DMD: variants seen among roughly 807,000 people sequenced by gnomAD.
The protein encoded by DMD is dystrophin, also known as mutant dystrophin.
In DMD, 63 loss-of-function variants were observed where a neutral mutation model predicts 330.1. That is an observed-to-expected ratio of 0.19 (90% CI 0.16 to 0.24). DMD has a LOEUF of 0.24. Among genes scored for constraint, DMD ranks in the 10% least tolerant of loss-of-function variants. The pLI is 1.00. For missense variants in DMD, 3,344 were observed against 2,684.1 expected, an observed-to-expected ratio of 1.25 and a Z score of -5.43; for synonymous variants, 1,223 against 959.8, an observed-to-expected ratio of 1.27 and a Z score of -5.07.
intron 47 of DMD, among the ~76,000 whole-genome samples, chrX:31,878,026 T>C (rs1052973468): frequency 8.9e-6 from 1 of 111,812 alleles, no homozygotes; most frequent in Non-Finnish European, 1.9e-5. Flanking sequence ...GCTTCATATA[T>C]AAGCACAGAA....
intron 11 of DMD, among the ~76,000 whole-genome samples, chrX:32,641,743 T>A (rs1363030518): frequency 9.0e-6 from 1 of 111,138 alleles, no homozygotes; most frequent in Non-Finnish European, 1.9e-5. Context: ...CTCTAATCGC[T>A]AAACCAAGGC....
At chrX:31,875,852 G>A (rs141822350) in intron 47 of DMD, among the ~76,000 whole-genome samples, 151 of 112,109 alleles carry the variant, frequency 1.3e-3, no homozygotes, top group East Asian at 0.013. Flanking sequence ...TATTCAATGC[G>A]CATCCTAAAA....
chrX:31,824,009 A>G (rs774198336), intron 49 of DMD, among the ~76,000 whole-genome samples: 38 of 112,419 alleles, frequency 3.4e-4, no homozygotes, highest in Non-Finnish European at 6.2e-4. Context: ...TCAGAGAGCT[A>G]TAACTTCAGA....
At chrX:32,716,735 G>T in intron 7 of DMD, among the ~76,000 whole-genome samples, 1 of 111,065 alleles carries the variant, frequency 9.0e-6, no homozygotes, top group South Asian at 3.9e-4. Flanking sequence ...TGCTGATATT[G>T]ATATGGACAA....
intron 42 of DMD, among the ~76,000 whole-genome samples, chrX:32,301,022 A>T (rs1199747243): frequency 9.0e-6 from 1 of 110,663 alleles, no homozygotes; most frequent in Non-Finnish European, 1.9e-5. Flanking sequence ...AATATAATCA[A>T]ACCTGCAAAA....
At chrX:32,174,457 G>T (rs1237736568) in intron 44 of DMD, among the ~76,000 whole-genome samples, 2 of 112,073 alleles carry the variant, frequency 1.8e-5, no homozygotes. Flanking sequence ...CTAGCCCATT[G>T]CCATTTTTGT....
intron 1 of DMD, among the ~76,000 whole-genome samples, chrX:33,209,727 G>A (rs763180017): frequency 6.0e-4 from 67 of 110,747 alleles, no homozygotes; most frequent in African/African-American, 2.0e-3. Context: ...TTTTTTAAAT[G>A]CAGCGTGAAA....
chrX:32,353,140 C>A (rs2097787415), intron 37 of DMD, among the ~76,000 whole-genome samples: 1 of 110,731 alleles, frequency 9.0e-6, no homozygotes, highest in Non-Finnish European at 1.9e-5. Context: ...ATAGCACCAG[C>A]CATTTGACAG....
chrX:32,661,104 A>C (rs190591751), intron 9 of DMD, among the ~76,000 whole-genome samples: 639 of 98,293 alleles, frequency 6.5e-3, no homozygotes, highest in Admixed American at 9.9e-3. Flanking sequence ...GGTAAAGTTT[A>C]TTTCTTTCTT....
chrX:31,518,476 T>C (rs2072457929), intron 55 of DMD, among the ~76,000 whole-genome samples: 1 of 111,811 alleles, frequency 8.9e-6, no homozygotes, highest in Admixed American at 9.5e-5. Context: ...CCCTAGATTG[T>C]ACATTTAAGT....
rs769621223 is a variant in DMD at position 32,504,240 on chromosome X, G to A, written c.2293-2398C>T. ...ATTCACTGGATCAACTTCATTGGAA[G>A]TTTATACTTTTGATGGTGAAATATC... On this transcript the variant is annotated intron_variant, in intron 18 of 78. Coordinates refer to ENST00000357033, the MANE Select transcript of DMD (RefSeq NM_004006.3). Among the ~76,000 whole-genome samples the A allele has an allele frequency of 4.5e-5, 5 of 112,046 alleles. No homozygotes were observed. The East Asian group carries it at 1.4e-3, about 31-fold the overall frequency.
intron 9 of DMD, among the ~76,000 whole-genome samples, chrX:32,697,014 G>A (rs759050373): frequency 1.1e-4 from 12 of 111,734 alleles, no homozygotes; most frequent in African/African-American, 1.6e-4. Context: ...TTTTTTAGCC[G>A]ATAGGATCAG....
intron 48 of DMD, among the ~76,000 whole-genome samples, chrX:31,866,058 A>G (rs1360639554): frequency 9.0e-6 from 1 of 111,283 alleles, no homozygotes. Context: ...GCCTCTTCCG[A>G]AAACATAAGC....
At chrX:32,700,786 TCTTAG>T (rs1363462941) in intron 7 of DMD, among the ~76,000 whole-genome samples, 1 of 111,456 alleles carries the variant, frequency 9.0e-6, no homozygotes, top group East Asian at 2.8e-4. Context: ...ATACAATTTA[TCTTAG>T]CTTAACTACT....
At chrX:32,788,839 A>C (rs1477801418) in intron 7 of DMD, among the ~76,000 whole-genome samples, 2 of 112,105 alleles carry the variant, frequency 1.8e-5, no homozygotes, top group Non-Finnish European at 3.8e-5. Context: ...ATTAGCCCTT[A>C]GTTATTATTA....
At chrX:32,963,082 G>A (rs1024600855) in intron 2 of DMD, among the ~76,000 whole-genome samples, 5 of 111,380 alleles carry the variant, frequency 4.5e-5, no homozygotes, top group South Asian at 3.8e-4. Flanking sequence ...TCTATTCAAC[G>A]AAATTTATAT....
chrX:31,757,234 T>C (rs1363144205), intron 51 of DMD, among the ~76,000 whole-genome samples: 2 of 111,823 alleles, frequency 1.8e-5, no homozygotes, highest in African/African-American at 3.3e-5. Context: ...CTCCTCACTA[T>C]ACTCCAATTT....
At chrX:33,137,201 T>A (rs2095532826) in intron 1 of DMD, among the ~76,000 whole-genome samples, 1 of 110,683 alleles carries the variant, frequency 9.0e-6, no homozygotes, top group African/African-American at 3.3e-5. Flanking sequence ...TAAAACGGGG[T>A]GTAGCAAGAT....
intron 2 of DMD, among the ~76,000 whole-genome samples, chrX:32,937,541 C>T (rs1001299742): frequency 1.9e-5 from 2 of 104,432 alleles, no homozygotes. Context: ...TTTAACTAAA[C>T]CCCCCTGTTT....
Sources: gnomAD v4.1 joint callset for allele counts (sites outside exome capture counted in the v4.1 genomes callset) on GRCh38, gnomAD v4.1.1 for gene constraint, MANE v1.5 for transcripts, NCBI Gene and HGNC (gene_info 2026-07-23, HGNC 2026-07-21) for gene names.